The following NAV2 variants were observed in gnomAD, a reference collection of about 807,000 sequenced individuals.
The protein encoded by NAV2 is neuron navigator 2.
In NAV2, 54 loss-of-function variants were observed where a neutral mutation model predicts 223.2. That is an observed-to-expected ratio of 0.24 (90% confidence interval 0.19 to 0.30). NAV2 has a LOEUF of 0.30. Ranked by LOEUF, NAV2 falls within the 10% of genes least tolerant of loss-of-function variation. The probability of loss-of-function intolerance (pLI) is 1.00; values close to 1 mark genes in which losing one functional copy is unlikely to be tolerated. For missense variants in NAV2, 2,806 were observed against 3,147.5 expected (o/e 0.89, Z 2.60); for synonymous variants, 1,279 against 1,239.3 (o/e 1.03, Z -0.67).
intron 1 of NAV2, among the ~76,000 whole-genome samples, chr11:19,523,576 G>A (rs1419289257): frequency 2.0e-5 from 3 of 152,148 alleles, no homozygotes; most frequent in African/African-American, 7.2e-5. Context: ...GGCCTTCTCT[G>A]ACTAACTCAG....
intron 11 of NAV2, among the ~76,000 whole-genome samples, chr11:19,989,952 G>C (rs367544418): frequency 6.6e-6 from 1 of 152,114 alleles, no homozygotes; most frequent in African/African-American, 2.4e-5. Flanking sequence ...CTCTTCAAAT[G>C]AGCCCTTAGC....
At chr11:19,417,110 C>A (rs189455303) in intron 1 of NAV2, among the ~76,000 whole-genome samples, 102 of 152,286 alleles carry the variant, frequency 6.7e-4, no homozygotes, top group African/African-American at 2.2e-3. Context: ...TCTAATTAAA[C>A]TAAAGAGCTT....
chr11:19,973,097 C>T (rs1318055603), intron 10 of NAV2, among the ~76,000 whole-genome samples: 5 of 152,116 alleles, frequency 3.3e-5, no homozygotes, highest in East Asian at 1.9e-4. Flanking sequence ...CTCAGTACAC[C>T]GTGGCATTCT....
intron 1 of NAV2, among the ~76,000 whole-genome samples, chr11:19,757,810 A>G (rs897898657): frequency 4.6e-5 from 7 of 152,166 alleles, no homozygotes; most frequent in Non-Finnish European, 8.8e-5. Flanking sequence ...TATAATCTCT[A>G]TTTTACAGAT....
chr11:19,386,203 T>C (rs941656677), intron 1 of NAV2, among the ~76,000 whole-genome samples: 1 of 152,252 alleles, frequency 6.6e-6, no homozygotes. Flanking sequence ...TTAACAATCG[T>C]TTGGGTGCCC....
At chr11:19,547,547 G>T (rs755155981) in intron 1 of NAV2, among the ~76,000 whole-genome samples, 18 of 152,110 alleles carry the variant, frequency 1.2e-4, no homozygotes, top group Non-Finnish European at 1.6e-4. Context: ...GTGTAATCAG[G>T]CAGAGAGGGA....
At chr11:19,394,785 T>C (rs866707608) in intron 1 of NAV2, among the ~76,000 whole-genome samples, 1 of 152,048 alleles carries the variant, frequency 6.6e-6, no homozygotes, top group Admixed American at 6.5e-5. Context: ...AGTGGTGGCA[T>C]GAGGGCCTGA....
intron 1 of NAV2, among the ~76,000 whole-genome samples, chr11:19,545,439 A>G (rs892172315): frequency 2.7e-5 from 4 of 147,802 alleles, no homozygotes; most frequent in African/African-American, 1.1e-4. Context: ...GTGGATGGTG[A>G]AAGGAAGAAG....
intron 1 of NAV2, among the ~76,000 whole-genome samples, chr11:19,369,924 C>T (rs1183561558): frequency 6.6e-6 from 1 of 152,200 alleles, no homozygotes; most frequent in East Asian, 1.9e-4. Context: ...AGACCTGGTA[C>T]AGGCTTCTGG....
At chr11:19,810,786 T>C (rs998298787) in intron 1 of NAV2, among the ~76,000 whole-genome samples, 1 of 152,152 alleles carries the variant, frequency 6.6e-6, no homozygotes, top group Non-Finnish European at 1.5e-5. Context: ...CCACCTGGGA[T>C]TTTGGCATCT....
intron 1 of NAV2, among the ~76,000 whole-genome samples, chr11:19,661,112 C>T (rs928971590): frequency 6.6e-6 from 1 of 152,148 alleles, no homozygotes; most frequent in African/African-American, 2.4e-5. Flanking sequence ...GTCGCCCCAG[C>T]TCCCAGCCCC....
intron 5 of NAV2, among the ~76,000 whole-genome samples, chr11:19,883,326 G>A (rs894458822): frequency 1.3e-5 from 2 of 152,162 alleles, no homozygotes; most frequent in African/African-American, 4.8e-5. Flanking sequence ...TTCCATGACA[G>A]CTTCATAGAG....
chr11:19,632,282 A>T (rs944017270), intron 1 of NAV2, among the ~76,000 whole-genome samples: 2 of 152,058 alleles, frequency 1.3e-5, no homozygotes, highest in African/African-American at 4.8e-5. Flanking sequence ...AATTTAATTT[A>T]CCTCTCTGAG....
chr11:19,749,306 C>T (rs2053616251), intron 1 of NAV2, among the ~76,000 whole-genome samples: 1 of 152,182 alleles, frequency 6.6e-6, no homozygotes, highest in Non-Finnish European at 1.5e-5. Context: ...GGGGCATCTC[C>T]CTCCCAGATT....
chr11:20,084,180 T>G (rs2153669162), intron 26 of NAV2, among the ~76,000 whole-genome samples: 1 of 152,308 alleles, frequency 6.6e-6, no homozygotes, highest in Non-Finnish European at 1.5e-5. Context: ...TCACTGCAAC[T>G]TCTGCTGCCC....
chr11:19,485,921 C>T (rs537058822), intron 1 of NAV2, among the ~76,000 whole-genome samples: 2 of 152,004 alleles, frequency 1.3e-5, no homozygotes, highest in African/African-American at 4.8e-5. Context: ...AAAGCTTGAA[C>T]CTGATTGCAG....
At chr11:19,977,844 G>A (rs1471080200) in intron 10 of NAV2, among the ~76,000 whole-genome samples, 1 of 122,178 alleles carries the variant, frequency 8.2e-6, no homozygotes, top group Non-Finnish European at 1.6e-5. Flanking sequence ...CACTCCGGTT[G>A]CCCAGGCTGG....
intron 1 of NAV2, among the ~76,000 whole-genome samples, chr11:19,409,006 G>A (rs1850026482): frequency 6.9e-6 from 1 of 143,914 alleles, no homozygotes; most frequent in South Asian, 2.4e-4. Flanking sequence ...TTAAATGGGG[G>A]GTGGGGAGAG....
rs942741638 is a variant in NAV2 at position 19,371,847 on chromosome 11, G to A, written c.75+20820G>A. Reference sequence around the variant, plus strand: ...AGCTGGAGTACAGTGGTGCAATCTCGGCTTACTGCAACCTCCTCCTCCTGG... The same window carrying A: ...AGCTGGAGTACAGTGGTGCAATCTCAGCTTACTGCAACCTCCTCCTCCTGG... On this transcript the variant is annotated intron_variant, in intron 1 of 37. Coordinates refer to the NAV2 transcript ENST00000360655. 4.8e-5 allele frequency among the ~76,000 whole-genome samples: 7 copies of A among 145,472 alleles called. No homozygotes were observed. In the East Asian group the frequency reaches 8.1e-4, roughly 17 times the overall value.
Sources: gnomAD v4.1 joint callset for allele counts (sites outside exome capture counted in the v4.1 genomes callset) on GRCh38, gnomAD v4.1.1 for gene constraint, MANE v1.5 for transcripts, NCBI Gene and HGNC (gene_info 2026-07-23, HGNC 2026-07-21) for gene names.